The following BBS4 variants were observed in gnomAD, a reference collection of about 807,000 sequenced individuals.
The protein encoded by BBS4 is BBSome complex member BBS4.
Under a neutral mutation model 71.4 loss-of-function variants are expected in BBS4, and 58 were observed. The observed-to-expected ratio is 0.81, with a 90% CI of 0.66 to 1.01. The LOEUF (loss-of-function observed/expected upper bound fraction) is 1.01. Ranked by LOEUF, BBS4 falls within the 50% of genes least tolerant of loss-of-function variation. BBS4 has a pLI of 0.00. For missense variants in BBS4, 660 were observed against 607.9 expected (o/e 1.09, Z -0.90); for synonymous variants, 228 against 216.8 (o/e 1.05, Z -0.46).
At chr15:72,719,745 C>G (rs1238203150) in intron 6 of BBS4, among the ~76,000 whole-genome samples, 2 of 123,978 alleles carry the variant, frequency 1.6e-5, no homozygotes, top group Non-Finnish European at 3.3e-5. Flanking sequence ...ACAAAACAGC[C>G]ATTCTTTTTT....
At chr15:72,706,878 G>C (rs922276799) in intron 2 of BBS4, among the ~76,000 whole-genome samples, 1 of 151,910 alleles carries the variant, frequency 6.6e-6, no homozygotes, top group Non-Finnish European at 1.5e-5. Context: ...TGAGGGTCCT[G>C]CTGTATTGCC....
rs762708438 is a variant in BBS4, at chr15:72,705,587, C to CTTTTT, written c.77-4094_77-4090dup. Among the ~76,000 whole-genome samples, 153 of 86,854 alleles carry CTTTTT rather than the reference C, an allele frequency of 1.8e-3. 3 individuals are homozygous for CTTTTT. Among genetic ancestry groups the CTTTTT allele is most frequent in the Non-Finnish European group, 1.9e-3 (91 of 48,692 alleles). The allele number at this position is 86,854 out of a possible 152,430, so 57.0% of individuals were successfully genotyped here. On this transcript the variant is annotated intron_variant, in intron 2 of 15. Coordinates refer to ENST00000268057, the MANE Select transcript of BBS4 (RefSeq NM_033028.5). Reference sequence around the variant, plus strand: ...CAAGAAACACAAAACATGGCTTGTCCTTTTTTTTTTTTTTTTTTTTTTTGA... The same window carrying CTTTTT: ...CAAGAAACACAAAACATGGCTTGTCCTTTTTTTTTTTTTTTTTTTTTTTTTTTTGA...
intron 1 of BBS4, among the ~76,000 whole-genome samples, chr15:72,690,508 TTAG>T (rs1386349419): frequency 1.3e-5 from 2 of 152,340 alleles, no homozygotes; most frequent in South Asian, 2.1e-4. Context: ...TTAACATTCT[TTAG>T]TAGTATATTC....
chr15:72,737,103 A>C, intron 15 of BBS4, 140 bp downstream of exon 15: 1 of 1,069,000 alleles, frequency 9.4e-7, no homozygotes, highest in Non-Finnish European at 1.4e-6. Flanking sequence ...GAAAAAAAAC[A>C]CAGGGTGGCT....
At chr15:72,711,239 C>G (rs955053462) in intron 3 of BBS4, among the ~76,000 whole-genome samples, 4 of 151,874 alleles carry the variant, frequency 2.6e-5, no homozygotes, top group Admixed American at 6.6e-5. Context: ...CCTCCGCCTC[C>G]TGGGTTCAAG....
chr15:72,702,004 ATT>A (rs773147738), intron 2 of BBS4, among the ~76,000 whole-genome samples: 2 of 141,982 alleles, frequency 1.4e-5, no homozygotes, highest in Non-Finnish European at 3.1e-5. Context: ...GGCCCAGCTA[ATT>A]TTTTTTTTTT....
Position 72,716,835 on chromosome 15 carries a change from C to T in BBS4, c.390C>T (p.Leu130=), listed in dbSNP as rs779404065. The part of the protein sequence containing the change: ...AIEVYNEAAK[L]NQKDWEISHN... Reference sequence around the variant, plus strand: ...AAGTATATAATGAAGCAGCTAAACTCAACCAGAAAGATTGGGTAAGTAGAG... The same window carrying T: ...AAGTATATAATGAAGCAGCTAAACTTAACCAGAAAGATTGGGTAAGTAGAG... Residue 130 remains leucine, a synonymous_variant, in exon 6 of 16, where the codon CTC becomes CTT. Transcript: ENST00000268057. 1 of 1,610,060 alleles carries T rather than the reference C, an allele frequency of 6.2e-7. No individual in the cohort carries two copies. Among genetic ancestry groups the T allele is most frequent in the South Asian group, 1.1e-5 (1 of 90,584 alleles).
At position 72,686,392 on chromosome 15, in the gene BBS4, CT is replaced by C. The variant is rs1186147728; in HGVS notation, c.24+146del. 2.0e-6 allele frequency: 3 copies of C among 1,536,222 alleles called. No homozygotes were observed. In the East Asian group the frequency reaches 7.3e-5, roughly 38 times the overall value. ...AGGGTGGGCGGGGCGACACGGTCCC[CT>C]TTTTACTGTCCCGGGAACTGGTCGC... On this transcript the variant is annotated intron_variant, in intron 1 of 15. Coordinates refer to ENST00000268057, the MANE Select transcript of BBS4 (RefSeq NM_033028.5).
intron 4 of BBS4, among the ~76,000 whole-genome samples, chr15:72,712,515 T>C (rs1466500655): frequency 2.0e-5 from 3 of 152,218 alleles, no homozygotes; most frequent in African/African-American, 4.8e-5. Flanking sequence ...ATGGATGATA[T>C]AGTGTACTAT....
At chr15:72,716,644 C>A in intron 5 of BBS4, 134 bp from the exon 6 acceptor site, 1 of 717,924 alleles carries the variant, frequency 1.4e-6, no homozygotes, top group Non-Finnish European at 2.4e-6. Flanking sequence ...ACTGACCAAA[C>A]CAGCACAACC....
At chr15:72,696,802 G>A (rs2065084708) in intron 2 of BBS4, among the ~76,000 whole-genome samples, 1 of 151,970 alleles carries the variant, frequency 6.6e-6, no homozygotes, top group South Asian at 2.1e-4. Context: ...TGTTGCCCAG[G>A]CTGGTTTTGA....
intron 2 of BBS4, among the ~76,000 whole-genome samples, chr15:72,702,029 A>T (rs12441084): frequency 0.12 from 17,651 of 150,212 alleles, 1,661 homozygotes; most frequent in East Asian, 0.46. Flanking sequence ...TGTATTTTTA[A>T]TAGAGATGGG....
chr15:72,735,478 T>C (rs1003162053), intron 13 of BBS4: 2 of 519,700 alleles, frequency 3.8e-6, no homozygotes, highest in Admixed American at 6.4e-5. Flanking sequence ...GAATATCAGA[T>C]GGGACTCTGG....
intron 2 of BBS4, among the ~76,000 whole-genome samples, chr15:72,696,151 T>C (rs1376513724): frequency 1.3e-5 from 2 of 152,244 alleles, no homozygotes; most frequent in South Asian, 2.1e-4. Context: ...TTGATTTGTG[T>C]ATTTTGAAGA....
At chr15:72,710,195 G>GTTT (rs66684005) in intron 3 of BBS4, among the ~76,000 whole-genome samples, 10 of 103,436 alleles carry the variant, frequency 9.7e-5, no homozygotes, top group African/African-American at 3.3e-4. Context: ...ATTTTGTCGA[G>GTTT]TTTTTTTTTT....
intron 3 of BBS4, among the ~76,000 whole-genome samples, chr15:72,710,302 G>T (rs2065344969): frequency 7.2e-6 from 1 of 138,556 alleles, no homozygotes; most frequent in Non-Finnish European, 1.5e-5. Context: ...CCAGGTTCAA[G>T]CAATTCTTCT....
chr15:72,715,882 C>T (rs968739508), intron 5 of BBS4, among the ~76,000 whole-genome samples: 1 of 152,196 alleles, frequency 6.6e-6, no homozygotes. Flanking sequence ...AGTATCCATA[C>T]AGCCATTCCG....
rs2065479331 is a variant in BBS4 at position 72,717,028 on chromosome 15, A to G, written c.405+178A>G. 3 of 616,298 alleles carry G rather than the reference A, an allele frequency of 4.9e-6. No individual in the cohort carries two copies. In the African/African-American group the frequency reaches 5.5e-5, roughly 11 times the overall value. 38.2% of individuals were successfully genotyped at this position (616,298 alleles called of 1,614,324 possible). On this transcript the variant is annotated intron_variant, in intron 6 of 15. Transcript: ENST00000268057. ...AAACCATGTTTCCTCATAACTTTGCAGGCATTGCTGCATGATTTTCTAGCA... is the reference window on the plus strand; with the variant it reads ...AAACCATGTTTCCTCATAACTTTGCGGGCATTGCTGCATGATTTTCTAGCA...
At chr15:72,724,758 A>T in intron 8 of BBS4, 103 bp downstream of exon 8, 1 of 1,454,608 alleles carries the variant, frequency 6.9e-7, no homozygotes, top group Admixed American at 2.0e-5. Context: ...TTAATTACTT[A>T]CTGTATGAGT....
Sources: allele counts gnomAD v4.1 joint callset (sites outside exome capture counted in the v4.1 genomes callset), GRCh38; gene constraint gnomAD v4.1.1; transcripts MANE v1.5; gene names NCBI Gene and HGNC (gene_info 2026-07-23, HGNC 2026-07-21).